Variants in RXFP1 observed in about 807,000 individuals in gnomAD.
RXFP1 encodes relaxin receptor 1.
Under a neutral mutation model 89.8 loss-of-function variants are expected in RXFP1, and 73 were observed. The observed-to-expected ratio is 0.81, with a 90% CI of 0.67 to 0.99. The LOEUF (loss-of-function observed/expected upper bound fraction) is 0.99. Ranked by LOEUF, RXFP1 falls within the 50% of genes least tolerant of loss-of-function variation. The pLI is 0.00. For synonymous variants in RXFP1, 277 were observed against 305.5 expected, an observed-to-expected ratio of 0.91 and a Z score of 0.97; for missense variants, 793 against 895.5, an observed-to-expected ratio of 0.89 and a Z score of 1.46.
chr4:158,635,766 A>G (rs1769023549), intron 12 of RXFP1, among the ~76,000 whole-genome samples: 1 of 152,040 alleles, frequency 6.6e-6, no homozygotes, highest in Non-Finnish European at 1.5e-5. Context: ...TTCTTTCTGT[A>G]ACTGTGGCTC....
At chr4:158,539,298 A>C (rs976253234) in intron 1 of RXFP1, among the ~76,000 whole-genome samples, 6 of 152,170 alleles carry the variant, frequency 3.9e-5, no homozygotes, top group African/African-American at 1.4e-4. Flanking sequence ...ACATGGACAC[A>C]GGAAGGGGAA....
chr4:158,528,355 A>G (rs1409709352), intron 1 of RXFP1, among the ~76,000 whole-genome samples: 2 of 152,032 alleles, frequency 1.3e-5, no homozygotes, highest in Non-Finnish European at 2.9e-5. Context: ...AAAATACAAA[A>G]TTTAGCCAGT....
rs148909253 is a variant in RXFP1 at position 158,524,746 on chromosome 4, G to A, written c.49+2721G>A. Among the ~76,000 whole-genome samples the A allele has an allele frequency of 1.3e-3, 197 of 152,182 alleles. 1 individual carries two copies. Among genetic ancestry groups the A allele is most frequent in the African/African-American group, 1.5e-3 (63 of 41,518 alleles). The stretch of plus-strand genomic sequence containing the variant: ...CTTGTAAGTATATATTTCAAAATCC[G>A]TGGTTAAAAAACAATCCCCAGGACA... On this transcript the variant is annotated intron_variant, in intron 1 of 17. Transcript: ENST00000307765.
rs577018410 is a variant in RXFP1, at chr4:158,551,431, C to T, written c.50-21267C>T. On this transcript the variant is annotated intron_variant, in intron 1 of 17. Coordinates refer to ENST00000307765, the MANE Select transcript of RXFP1 (RefSeq NM_021634.4). ...AAATCAGTTCCAGAGATCTGTCGTA[C>T]AGCATGGTGACTATAGTTAGTAATA... Among the ~76,000 whole-genome samples the T allele has an allele frequency of 3.4e-4, 51 of 152,222 alleles. 1 individual carries two copies. The South Asian group carries it at 4.4e-3, about 13-fold the overall frequency.
chr4:158,621,368 A>C (rs1032501506), intron 9 of RXFP1, among the ~76,000 whole-genome samples: 2 of 152,206 alleles, frequency 1.3e-5, no homozygotes, highest in Non-Finnish European at 2.9e-5. Context: ...GGTATTCCCA[A>C]GGTGAACACT....
At chr4:158,631,149 A>G (rs563198787) in intron 11 of RXFP1, among the ~76,000 whole-genome samples, 194 of 152,328 alleles carry the variant, frequency 1.3e-3, no homozygotes, top group Admixed American at 3.4e-3. Context: ...TGTTAGAACT[A>G]TCTGCCAGGA....
At chr4:158,619,728 G>C (rs1174098381) in intron 9 of RXFP1, among the ~76,000 whole-genome samples, 1 of 151,932 alleles carries the variant, frequency 6.6e-6, no homozygotes, top group Non-Finnish European at 1.5e-5. Context: ...TTTGGGAGTG[G>C]GACAGAAAAT....
At chr4:158,597,574 A>G in intron 3 of RXFP1, among the ~76,000 whole-genome samples, 1 of 152,284 alleles carries the variant, frequency 6.6e-6, no homozygotes, top group East Asian at 1.9e-4. Context: ...ATGTAATAGT[A>G]TATTTTGTAA....
chr4:158,634,566 G>T (rs562960919), intron 12 of RXFP1, among the ~76,000 whole-genome samples: 14 of 152,054 alleles, frequency 9.2e-5, no homozygotes, highest in Non-Finnish European at 1.8e-4. Flanking sequence ...TGTTACTTAT[G>T]CTTTTGGTGT....
chr4:158,627,237 A>G (rs753701481), intron 10 of RXFP1, among the ~76,000 whole-genome samples: 2 of 152,132 alleles, frequency 1.3e-5, no homozygotes, highest in Non-Finnish European at 2.9e-5. Context: ...TCTCTGGCCT[A>G]TTTTAAATTC....
At chr4:158,627,937 C>G (rs1022623124) in intron 10 of RXFP1, among the ~76,000 whole-genome samples, 1 of 152,018 alleles carries the variant, frequency 6.6e-6, no homozygotes, top group Non-Finnish European at 1.5e-5. Context: ...TTGTGGATTT[C>G]CTCTTGGCAG....
At chr4:158,596,962 A>G (rs1320871846) in intron 3 of RXFP1, among the ~76,000 whole-genome samples, 4 of 152,242 alleles carry the variant, frequency 2.6e-5, no homozygotes, top group Non-Finnish European at 5.9e-5. Flanking sequence ...GAGGCTATGT[A>G]ATAAATGCTG....
Position 158,651,950 on chromosome 4 carries a change from G to T in RXFP1, c.2169G>T (p.Trp723Cys). 2 of 1,614,144 alleles carry T rather than the reference G, an allele frequency of 1.2e-6. No individual in the cohort carries two copies. The highest frequency in any genetic ancestry group is 1.7e-6 in the Non-Finnish European group (2 of 1,180,020). ...CATCATTCATCTGGGTGGAAATGTG[G>T]CCACTGCAGGAGATGCCACCTGAGT... is the stretch of plus-strand genomic sequence containing the variant. ...YAPSFIWVEMWPLQEMPPELM... is the reference protein window; with the variant it reads ...YAPSFIWVEMCPLQEMPPELM... The change falls in exon 18 of 18, where the codon TGG (tryptophan) becomes TGT (cysteine). Residue 723 changes from tryptophan to cysteine, a missense_variant. Transcript: ENST00000307765.
chr4:158,594,286 G>C (rs896650855), intron 3 of RXFP1, among the ~76,000 whole-genome samples: 1 of 152,116 alleles, frequency 6.6e-6, no homozygotes, highest in Admixed American at 6.6e-5. Flanking sequence ...TCAGGGCCCT[G>C]TTCAAATCAA....
At chr4:158,616,553 A>ATT (rs150214475) in intron 8 of RXFP1, among the ~76,000 whole-genome samples, 4 of 133,384 alleles carry the variant, frequency 3.0e-5, no homozygotes, top group East Asian at 2.2e-4. Flanking sequence ...GGTTTAGGCT[A>ATT]TTTTTTTTTT....
At position 158,565,134 on chromosome 4, in the gene RXFP1, A is replaced by G. The variant is rs532831520; in HGVS notation, c.50-7564A>G. Among the ~76,000 whole-genome samples the G allele has an allele frequency of 2.6e-5, 4 of 152,290 alleles. No homozygotes were observed. The East Asian group carries it at 7.7e-4, about 29-fold the overall frequency. ...ATGTAAGTGAGAGTCTGCACTGAGT[A>G]AGGCGAGGAGAGCATCCATGCAGGA... On this transcript the variant is annotated intron_variant, in intron 1 of 17. Coordinates refer to ENST00000307765, the MANE Select transcript of RXFP1 (RefSeq NM_021634.4).
Position 158,617,177 on chromosome 4 carries a change from TG to T in RXFP1, c.728del (p.Cys243PhefsTer20). The T allele has an allele frequency of 6.2e-7, 1 of 1,611,364 alleles. No individual in the cohort carries two copies. Among genetic ancestry groups the T allele is most frequent in the Non-Finnish European group, 8.5e-7 (1 of 1,178,576 alleles). Reference sequence around the variant, plus strand: ...CACCCGTTTACCTGATAAACCTCTCTGTCAACACATGCCAAGACTACATTGG... The same window carrying T: ...CACCCGTTTACCTGATAAACCTCTCTTCAACACATGCCAAGACTACATTGG... ...VLTRLPDKPL[C>X]QHMPRLHWLD... On this transcript the variant is annotated frameshift_variant, in exon 9 of 18. Transcript: ENST00000307765. LOFTEE classifies it high-confidence loss of function.
intron 1 of RXFP1, among the ~76,000 whole-genome samples, chr4:158,522,717 A>G (rs1741487674): frequency 6.6e-6 from 1 of 152,242 alleles, no homozygotes; most frequent in African/African-American, 2.4e-5. Flanking sequence ...ATGTAGACAG[A>G]AATAAAGTGT....
chr4:158,618,593 A>G (rs142502244), intron 9 of RXFP1, among the ~76,000 whole-genome samples: 1 of 152,168 alleles, frequency 6.6e-6, no homozygotes, highest in East Asian at 1.9e-4. Flanking sequence ...ATAATTATTT[A>G]CCTTTTTATA....
Sources: allele counts gnomAD v4.1 joint callset (sites outside exome capture counted in the v4.1 genomes callset), GRCh38; gene constraint gnomAD v4.1.1; transcripts MANE v1.5; gene names NCBI Gene and HGNC (gene_info 2026-07-23, HGNC 2026-07-21).